Variants in DENND1A observed in about 807,000 individuals in gnomAD.
The protein encoded by DENND1A is DENN domain containing 1A.
A neutral mutation model predicts 113.7 loss-of-function variants in DENND1A; 51 were observed. That is an observed-to-expected ratio of 0.45 (90% CI 0.36 to 0.57). The LOEUF (loss-of-function observed/expected upper bound fraction) is 0.57. DENND1A is among the 20% of genes least tolerant of loss of function. DENND1A has a pLI of 0.00. For missense variants in DENND1A, 1,258 were observed against 1,395.9 expected (o/e 0.90, Z 1.57); for synonymous variants, 565 against 570.8 (o/e 0.99, Z 0.14).
At chr9:123,809,960 C>G (rs1836269217) in intron 2 of DENND1A, among the ~76,000 whole-genome samples, 1 of 152,150 alleles carries the variant, frequency 6.6e-6, no homozygotes, top group Non-Finnish European at 1.5e-5. Context: ...AGGCAGGAGC[C>G]ACCGGTCTGG....
Position 123,452,315 on chromosome 9 carries a change from C to T in DENND1A, c.1260G>A (p.Lys420=). The T allele has an allele frequency of 6.2e-7, 1 of 1,614,270 alleles. No individual in the cohort carries two copies. The highest frequency in any genetic ancestry group is 8.5e-7 in the Non-Finnish European group (1 of 1,180,052). The part of the protein sequence containing the change: ...KGSGAILNTV[K]TKANPAMKTV... ...TCTTCATGGCCGGATTTGCTTTGGT[C>T]TTTACAGTATTCAGAATTGCTCCAC... Residue 420 remains lysine, a synonymous_variant, in exon 17 of 24, where the codon AAG becomes AAA. Coordinates refer to ENST00000394215, the MANE Select transcript of DENND1A (RefSeq NM_001352964.2).
intron 5 of DENND1A, among the ~76,000 whole-genome samples, chr9:123,732,155 G>A (rs960282992): frequency 2.0e-5 from 3 of 152,152 alleles, no homozygotes; most frequent in Non-Finnish European, 4.4e-5. Flanking sequence ...TTGAACATAC[G>A]CTTGGCAACA....
At chr9:123,791,070 G>A (rs1364442580) in intron 3 of DENND1A, among the ~76,000 whole-genome samples, 1 of 152,060 alleles carries the variant, frequency 6.6e-6, no homozygotes, top group East Asian at 1.9e-4. Flanking sequence ...TTCAGATATA[G>A]TAAGAAACTA....
At chr9:123,710,393 C>T (rs900668466) in intron 5 of DENND1A, among the ~76,000 whole-genome samples, 5 of 152,168 alleles carry the variant, frequency 3.3e-5, no homozygotes, top group Admixed American at 3.3e-4. Flanking sequence ...TGGGAAATCC[C>T]CACTGGAGTT....
In DENND1A at chr9:123,380,117, A is replaced by C. The variant is rs1231465127; in HGVS notation, c.*1315T>G. 2 of 152,144 alleles carry C rather than the reference A, an allele frequency of 1.3e-5. No homozygotes were observed. Among genetic ancestry groups the C allele is most frequent in the African/African-American group, 4.8e-5 (2 of 41,414 alleles). The allele number at this position is 152,144 out of a possible 1,614,324, so 9.4% of individuals were successfully genotyped here. Reference sequence around the variant, plus strand: ...CTCCAGAGACCCCCTTGTCCCCCAGACACCCCTGGGTAGACTGTGTCTGAC... The same window carrying C: ...CTCCAGAGACCCCCTTGTCCCCCAGCCACCCCTGGGTAGACTGTGTCTGAC... On this transcript the variant is annotated 3_prime_UTR_variant, in exon 24 of 24. Coordinates refer to ENST00000394215, the MANE Select transcript of DENND1A (RefSeq NM_001352964.2).
At chr9:123,470,926 G>A (rs957525308) in intron 13 of DENND1A, among the ~76,000 whole-genome samples, 7 of 152,154 alleles carry the variant, frequency 4.6e-5, no homozygotes, top group African/African-American at 1.7e-4. Context: ...AGGAGACTTC[G>A]GTAGGAAGTT....
At chr9:123,472,634 G>C (rs190331487) in intron 13 of DENND1A, among the ~76,000 whole-genome samples, 1 of 152,048 alleles carries the variant, frequency 6.6e-6, no homozygotes, top group Admixed American at 6.5e-5. Flanking sequence ...ATTCACTCAG[G>C]GCCCCTTGTC....
At chr9:123,589,647 GAAAAAAAAAAA>G (rs58211177) in intron 11 of DENND1A, among the ~76,000 whole-genome samples, 41 of 35,432 alleles carry the variant, frequency 1.2e-3, no homozygotes, top group African/African-American at 2.7e-3. Flanking sequence ...TTCTCAGAAT[GAAAAAAAAAAA>G]AAAAAAAAAA....
rs574385413 is a variant in DENND1A at position 123,636,578 on chromosome 9, A to G, written c.619-6102T>C. ...GTGATCCGCCCTCCTCGGCCTCCCA[A>G]ATATTCCTCTTCTTACCTCCTACTA... On this transcript the variant is annotated intron_variant, in intron 9 of 23. Coordinates refer to ENST00000394215, the MANE Select transcript of DENND1A (RefSeq NM_001352964.2). Among the ~76,000 whole-genome samples the G allele has an allele frequency of 7.2e-4, 109 of 151,618 alleles. 2 individuals carry two copies. The highest frequency in any genetic ancestry group is 2.5e-3 in the African/African-American group (104 of 41,334).
At chr9:123,458,978 C>A (rs1290349569) in intron 13 of DENND1A, among the ~76,000 whole-genome samples, 2 of 151,726 alleles carry the variant, frequency 1.3e-5, no homozygotes, top group Non-Finnish European at 2.9e-5. Flanking sequence ...AACAAACAAA[C>A]AAACAAAAAA....
At chr9:123,668,627 T>C (rs1291220539) in intron 7 of DENND1A, among the ~76,000 whole-genome samples, 1 of 152,166 alleles carries the variant, frequency 6.6e-6, no homozygotes, top group Non-Finnish European at 1.5e-5. Flanking sequence ...CTTTCCACCA[T>C]GACAGACTGT....
chr9:123,665,725 A>T (rs541838343), intron 8 of DENND1A, among the ~76,000 whole-genome samples: 1 of 152,350 alleles, frequency 6.6e-6, no homozygotes, highest in East Asian at 1.9e-4. Context: ...GCAGAGACTC[A>T]AACAGGCATT....
chr9:123,594,138 G>C (rs1288374552), intron 11 of DENND1A, among the ~76,000 whole-genome samples: 5 of 152,166 alleles, frequency 3.3e-5, no homozygotes, highest in African/African-American at 1.2e-4. Context: ...GTGTGAGAAT[G>C]GACTAATACA....
chr9:123,654,451 T>C (rs980799269), intron 8 of DENND1A, among the ~76,000 whole-genome samples: 3 of 151,756 alleles, frequency 2.0e-5, no homozygotes, highest in Non-Finnish European at 2.9e-5. Flanking sequence ...GCCGTCCAAA[T>C]AGGGAGACAC....
At chr9:123,503,654 G>A (rs1487745286) in intron 13 of DENND1A, among the ~76,000 whole-genome samples, 3 of 152,202 alleles carry the variant, frequency 2.0e-5, no homozygotes, top group African/African-American at 7.2e-5. Context: ...AGTGCAACTA[G>A]CTGTCTAATG....
Position 123,630,364 on chromosome 9 carries a change from C to A in DENND1A, c.719+12G>T. The A allele has an allele frequency of 6.3e-7, 1 of 1,580,848 alleles. No individual in the cohort carries two copies. Among genetic ancestry groups the A allele is most frequent in the Non-Finnish European group, 8.6e-7 (1 of 1,160,110 alleles). The stretch of plus-strand genomic sequence containing the variant: ...GCAAAGGAGAAGCAGAGGACAGGGC[C>A]AGCCACCTTACCAGCAGTAGTCCAG... On this transcript the variant is annotated intron_variant, in intron 10 of 23. Coordinates refer to ENST00000394215, the MANE Select transcript of DENND1A (RefSeq NM_001352964.2).
chr9:123,472,484 G>A (rs1168698391), intron 13 of DENND1A, among the ~76,000 whole-genome samples: 1 of 152,202 alleles, frequency 6.6e-6, no homozygotes, highest in Non-Finnish European at 1.5e-5. Flanking sequence ...AGAGATCTGA[G>A]ATGTGGTGGG....
intron 11 of DENND1A, among the ~76,000 whole-genome samples, chr9:123,599,581 GAT>G (rs1182579631): frequency 6.6e-6 from 1 of 152,140 alleles, no homozygotes; most frequent in African/African-American, 2.4e-5. Flanking sequence ...TGCTGATGGG[GAT>G]ATTAAGGCAC....
chr9:123,670,876 CAG>C (rs1554950990), intron 7 of DENND1A, among the ~76,000 whole-genome samples: 1 of 152,130 alleles, frequency 6.6e-6, no homozygotes, highest in Non-Finnish European at 1.5e-5. Flanking sequence ...CCCTGGCAAA[CAG>C]GGGAGAGGCA....
Sources: allele counts gnomAD v4.1 joint callset (sites outside exome capture counted in the v4.1 genomes callset), GRCh38; gene constraint gnomAD v4.1.1; transcripts MANE v1.5; gene names NCBI Gene and HGNC (gene_info 2026-07-23, HGNC 2026-07-21).